AMPH: variants seen among roughly 807,000 people sequenced by gnomAD.
AMPH encodes amphiphysin (Stiff-Mann syndrome with breast cancer 128kD autoantigen).
AMPH carries 49 observed loss-of-function variants against 99.1 expected under a neutral mutation model. The observed-to-expected ratio is 0.49, with a 90% CI of 0.39 to 0.63. The LOEUF (loss-of-function observed/expected upper bound fraction) is 0.63, where lower values mean the gene tolerates loss of function less well. AMPH is among the 20% of genes least tolerant of loss of function. The probability of loss-of-function intolerance (pLI) is 0.00; values close to 1 mark genes in which losing one functional copy is unlikely to be tolerated. For missense variants in AMPH, 759 were observed against 863.4 expected, an observed-to-expected ratio of 0.88 and a Z score of 1.52; for synonymous variants, 314 against 317.3, an observed-to-expected ratio of 0.99 and a Z score of 0.11.
intron 1 of AMPH, among the ~76,000 whole-genome samples, chr7:38,542,025 G>A (rs1440192163): frequency 1.3e-5 from 2 of 152,046 alleles, no homozygotes; most frequent in African/African-American, 2.4e-5. Flanking sequence ...TCAATTTCAG[G>A]ACATTTAGTC....
At chr7:38,607,554 C>A (rs766362113) in intron 1 of AMPH, among the ~76,000 whole-genome samples, 9 of 152,108 alleles carry the variant, frequency 5.9e-5, no homozygotes, top group Non-Finnish European at 1.2e-4. Context: ...CCTCAGGACC[C>A]CCGGTGAAGC....
At chr7:38,554,764 G>A (rs556282029) in intron 1 of AMPH, among the ~76,000 whole-genome samples, 217 of 152,298 alleles carry the variant, frequency 1.4e-3, no homozygotes, top group African/African-American at 5.0e-3. Context: ...AATGGTGTGG[G>A]AGGCTTTAGC....
chr7:38,389,698 T>C, intron 20 of AMPH, 106 bp downstream of exon 20: 1 of 895,280 alleles, frequency 1.1e-6, no homozygotes, highest in Non-Finnish European at 1.8e-6. Context: ...TCAGATGGCT[T>C]GTAGCATCTC....
intron 7 of AMPH, among the ~76,000 whole-genome samples, chr7:38,472,534 G>T (rs1485588990): frequency 6.6e-6 from 1 of 152,068 alleles, no homozygotes; most frequent in Non-Finnish European, 1.5e-5. Context: ...ATGATTAGAG[G>T]TTATACATGT....
intron 1 of AMPH, among the ~76,000 whole-genome samples, chr7:38,579,209 G>A (rs576841817): frequency 3.3e-5 from 5 of 152,262 alleles, no homozygotes; most frequent in African/African-American, 9.6e-5. Flanking sequence ...GTCCATCACC[G>A]GTTTCTAGCT....
chr7:38,613,178 TC>T (rs1346456255), intron 1 of AMPH, among the ~76,000 whole-genome samples: 3 of 152,134 alleles, frequency 2.0e-5, no homozygotes, highest in Non-Finnish European at 4.4e-5. Flanking sequence ...ATTCCAAAGG[TC>T]TTCCCATCAT....
intron 1 of AMPH, among the ~76,000 whole-genome samples, chr7:38,562,062 G>A (rs1357921429): frequency 6.6e-6 from 1 of 151,194 alleles, no homozygotes; most frequent in Non-Finnish European, 1.5e-5. Context: ...TAGAAAACAA[G>A]GTGGGGAAGT....
intron 1 of AMPH, among the ~76,000 whole-genome samples, chr7:38,596,433 T>C (rs1793062126): frequency 6.6e-6 from 1 of 152,040 alleles, no homozygotes; most frequent in Non-Finnish European, 1.5e-5. Context: ...GTATAGGCAG[T>C]AGAGGGTAAA....
chr7:38,413,689 A>C (rs1340644413), intron 17 of AMPH, among the ~76,000 whole-genome samples: 1 of 152,200 alleles, frequency 6.6e-6, no homozygotes, highest in Non-Finnish European at 1.5e-5. Context: ...CAAGGTTCTC[A>C]TAAAAAAAAG....
intron 5 of AMPH, among the ~76,000 whole-genome samples, chr7:38,482,749 C>G (rs1788335865): frequency 6.6e-6 from 1 of 152,040 alleles, no homozygotes; most frequent in African/African-American, 2.4e-5. Context: ...ATAATTTGAA[C>G]AAGTTGTAAG....
At chr7:38,522,098 A>G (rs750158706) in intron 2 of AMPH, among the ~76,000 whole-genome samples, 14 of 152,228 alleles carry the variant, frequency 9.2e-5, no homozygotes, top group Admixed American at 6.5e-5. Context: ...AGAGACCTCA[A>G]GCAAGGATCT....
intron 1 of AMPH, among the ~76,000 whole-genome samples, chr7:38,627,426 C>A (rs1444028611): frequency 2.7e-5 from 4 of 147,704 alleles, no homozygotes; most frequent in Non-Finnish European, 5.9e-5. Context: ...TGGCAGGCAC[C>A]TGTAGTCCCA....
chr7:38,462,114 A>G (rs1214087766), intron 10 of AMPH, among the ~76,000 whole-genome samples: 3 of 152,204 alleles, frequency 2.0e-5, no homozygotes, highest in Non-Finnish European at 4.4e-5. Flanking sequence ...TATGTTCTAC[A>G]GTGTACTATA....
At chr7:38,569,179 T>C (rs1367689440) in intron 1 of AMPH, among the ~76,000 whole-genome samples, 1 of 152,002 alleles carries the variant, frequency 6.6e-6, no homozygotes, top group African/African-American at 2.4e-5. Flanking sequence ...AGTTGAGAAA[T>C]AATTTATGCT....
intron 1 of AMPH, among the ~76,000 whole-genome samples, chr7:38,542,670 G>A (rs1230043222): frequency 2.0e-5 from 3 of 152,148 alleles, no homozygotes; most frequent in Non-Finnish European, 2.9e-5. Flanking sequence ...AATAAAAGAT[G>A]AGTTAGCAAT....
chr7:38,534,283 AT>A (rs1424946655), intron 2 of AMPH, among the ~76,000 whole-genome samples: 1 of 152,204 alleles, frequency 6.6e-6, no homozygotes, highest in African/African-American at 2.4e-5. Flanking sequence ...AATTAAGGTC[AT>A]TTTACCAGAA....
chr7:38,539,706 G>T (rs920013536), intron 1 of AMPH, among the ~76,000 whole-genome samples: 4 of 152,210 alleles, frequency 2.6e-5, no homozygotes, highest in Admixed American at 6.5e-5. Context: ...CAGGAGAGGG[G>T]AGTGATTCAG....
chr7:38,442,151 T>C (rs1786580368), intron 11 of AMPH, among the ~76,000 whole-genome samples: 1 of 152,044 alleles, frequency 6.6e-6, no homozygotes, highest in Non-Finnish European at 1.5e-5. Flanking sequence ...TAATGGGTAC[T>C]AGGCTTAATA....
At chr7:38,429,088 A>T (rs1195406116) in intron 14 of AMPH, 1 of 1,290,310 alleles carries the variant, frequency 7.8e-7, no homozygotes. Flanking sequence ...GCCCACAGAG[A>T]ATCTTCCATC....
Sources: allele counts gnomAD v4.1 joint callset (sites outside exome capture counted in the v4.1 genomes callset), GRCh38; gene constraint gnomAD v4.1.1; transcripts MANE v1.5; gene names NCBI Gene and HGNC (gene_info 2026-07-23, HGNC 2026-07-21).